KIAA1217: variants seen among roughly 807,000 people sequenced by gnomAD.
KIAA1217 encodes KIAA1217, also known as sickle tail protein homolog.
KIAA1217 carries 88 observed loss-of-function variants against 163.9 expected under a neutral mutation model. The ratio of observed to expected loss-of-function variants is 0.54; its 90% CI spans 0.45 to 0.64. KIAA1217 has a LOEUF of 0.64. KIAA1217 is among the 30% of genes least tolerant of loss of function. KIAA1217 has a pLI of 0.00. For missense variants in KIAA1217, 2,372 were observed against 2,475.0 expected (o/e 0.96, Z 0.88); for synonymous variants, 903 against 923.1 (o/e 0.98, Z 0.39).
At chr10:23,936,613 A>C (rs1367803742) in intron 1 of KIAA1217, among the ~76,000 whole-genome samples, 2 of 152,130 alleles carry the variant, frequency 1.3e-5, no homozygotes, top group Non-Finnish European at 2.9e-5. Context: ...ACGCCTGTAA[A>C]GCCAAAGAAC....
chr10:24,003,073 T>C (rs926359852), intron 1 of KIAA1217, among the ~76,000 whole-genome samples: 2 of 152,234 alleles, frequency 1.3e-5, no homozygotes, highest in African/African-American at 4.8e-5. Flanking sequence ...TTCTGGTGGT[T>C]CCACATCTCT....
intron 5 of KIAA1217, among the ~76,000 whole-genome samples, chr10:24,462,300 G>A (rs1248894336): frequency 6.6e-6 from 1 of 152,162 alleles, no homozygotes; most frequent in Non-Finnish European, 1.5e-5. Context: ...AGCCCAGTGA[G>A]ATGCCCCAGT....
intron 2 of KIAA1217, among the ~76,000 whole-genome samples, chr10:24,048,916 A>C (rs1849267904): frequency 6.6e-6 from 1 of 150,664 alleles, no homozygotes; most frequent in Admixed American, 6.6e-5. Context: ...CTGTAATTCC[A>C]GCTACTCAGG....
chr10:24,350,478 TGGGTGCATTTTGAAA>T (rs531811505), intron 2 of KIAA1217, among the ~76,000 whole-genome samples: 98 of 152,324 alleles, frequency 6.4e-4, no homozygotes, highest in African/African-American at 2.0e-3. Context: ...CTCTTTTGCC[TGGGTGCATTTTGAAA>T]GGTCTTTGTG....
intron 4 of KIAA1217, among the ~76,000 whole-genome samples, chr10:24,437,780 A>G (rs1005552808): frequency 1.3e-5 from 2 of 151,434 alleles, no homozygotes; most frequent in African/African-American, 4.8e-5. Flanking sequence ...TAGAAAAACT[A>G]ATTTTCTAAC....
intron 1 of KIAA1217, among the ~76,000 whole-genome samples, chr10:23,905,906 A>T (rs1254476357): frequency 6.6e-6 from 1 of 152,160 alleles, no homozygotes; most frequent in Non-Finnish European, 1.5e-5. Context: ...AGCCTGAGAC[A>T]AGGTAATTTA....
chr10:24,108,308 G>A (rs1227599746), intron 2 of KIAA1217, among the ~76,000 whole-genome samples: 1 of 152,184 alleles, frequency 6.6e-6, no homozygotes, highest in African/African-American at 2.4e-5. Context: ...AGATAAGAAT[G>A]CCTGGTGACC....
upstream of KIAA1217, among the ~76,000 whole-genome samples, chr10:24,204,582 G>A (rs2067446119): frequency 6.6e-6 from 1 of 152,194 alleles, no homozygotes; most frequent in Non-Finnish European, 1.5e-5. Flanking sequence ...CGCCCAGAGG[G>A]CTTATCTTGG....
chr10:23,746,379 C>G (rs1839419750), intron 1 of KIAA1217, among the ~76,000 whole-genome samples: 2 of 152,078 alleles, frequency 1.3e-5, no homozygotes, highest in South Asian at 4.2e-4. Context: ...CAAATTAACC[C>G]CTTTTCTTTA....
At position 23,695,267 on chromosome 10, in the gene KIAA1217, C is replaced by T. The variant is rs1835950324; in HGVS notation, c.-321+33C>T. On this transcript the variant is annotated intron_variant, in intron 1 of 18. Coordinates refer to the KIAA1217 transcript ENST00000376462. This position sits in a 1 kb window ranked among gnomAD's most constrained non-coding sequence, Gnocchi z 4.9. ...CAGCAGAAGTTTGCGTCGGTTGCCC[C>T]GCCGCTCCCCCAGCGCGAGTGGGAG... is the stretch of plus-strand genomic sequence containing the variant. 1 of 152,328 alleles carries T rather than the reference C, an allele frequency of 6.6e-6. No homozygotes were observed. The highest frequency in any genetic ancestry group is 2.4e-5 in the African/African-American group (1 of 41,458). The allele number at this position is 152,328 out of a possible 1,614,324, so 9.4% of individuals were successfully genotyped here. A position where few individuals can be genotyped will look rare whatever the true frequency, so the allele number is the denominator to read the frequency against.
At chr10:24,538,438 G>C (rs1277131738) in intron 17 of KIAA1217, among the ~76,000 whole-genome samples, 4 of 151,968 alleles carry the variant, frequency 2.6e-5, no homozygotes, top group Non-Finnish European at 5.9e-5. Context: ...AGCATTTTAG[G>C]AGGCCAAGAC....
At chr10:23,874,187 C>T (rs141791281) in intron 1 of KIAA1217, among the ~76,000 whole-genome samples, 87 of 152,178 alleles carry the variant, frequency 5.7e-4, no homozygotes, top group African/African-American at 2.1e-3. Context: ...GCCCACAGCT[C>T]CTACTAATCG....
chr10:23,948,874 AC>A (rs1844185942), intron 1 of KIAA1217, among the ~76,000 whole-genome samples: 2 of 152,136 alleles, frequency 1.3e-5, no homozygotes, highest in South Asian at 2.1e-4. Flanking sequence ...TAGTCACTAC[AC>A]CCAGTAGGGC....
intron 2 of KIAA1217, among the ~76,000 whole-genome samples, chr10:24,347,357 G>C (rs1366022101): frequency 6.6e-6 from 1 of 152,200 alleles, no homozygotes; most frequent in African/African-American, 2.4e-5. Context: ...CAGAGGACTG[G>C]AAAGTGGGAC....
At chr10:24,055,936 TA>T (rs980775899) in intron 2 of KIAA1217, among the ~76,000 whole-genome samples, 1 of 150,930 alleles carries the variant, frequency 6.6e-6, no homozygotes, top group Non-Finnish European at 1.5e-5. Context: ...TGCAGAAGGC[TA>T]AAGCTAAAAA....
intron 1 of KIAA1217, among the ~76,000 whole-genome samples, chr10:23,754,529 T>C (rs1833824222): frequency 6.6e-6 from 1 of 152,232 alleles, no homozygotes; most frequent in African/African-American, 2.4e-5. Flanking sequence ...TGACGAATAT[T>C]GTTGGATCTT....
At chr10:24,499,209 T>C (rs1001828045) in intron 8 of KIAA1217, among the ~76,000 whole-genome samples, 10 of 152,212 alleles carry the variant, frequency 6.6e-5, no homozygotes, top group Non-Finnish European at 1.5e-4. Context: ...TGGATTGTGG[T>C]CAGAATCACT....
At chr10:23,932,565 C>T (rs918731252) in intron 1 of KIAA1217, among the ~76,000 whole-genome samples, 2 of 152,150 alleles carry the variant, frequency 1.3e-5, no homozygotes, top group Admixed American at 1.3e-4. Flanking sequence ...AAAAATTTAA[C>T]ATATAAACTT....
intron 1 of KIAA1217, among the ~76,000 whole-genome samples, chr10:23,860,762 A>T (rs1052148863): frequency 1.4e-4 from 21 of 152,152 alleles, no homozygotes; most frequent in African/African-American, 5.1e-4. Flanking sequence ...AATTTTTTAA[A>T]AATGTTCTTG....
Sources: gnomAD v4.1 joint callset for allele counts (sites outside exome capture counted in the v4.1 genomes callset) on GRCh38, gnomAD v4.1.1 for gene constraint, Gnocchi (gnomAD v3.1) non-coding constraint, MANE v1.5 for transcripts, NCBI Gene and HGNC (gene_info 2026-07-23, HGNC 2026-07-21) for gene names.